The following ABCA6 variants were observed in gnomAD, a reference collection of about 807,000 sequenced individuals.
The protein encoded by ABCA6 is ATP-binding cassette sub-family A member 6.
ABCA6 carries 164 observed loss-of-function variants against 191.2 expected under a neutral mutation model. That is an observed-to-expected ratio of 0.86 (90% CI 0.76 to 0.98). ABCA6 has a LOEUF of 0.98. Ranked by LOEUF, ABCA6 falls within the 50% of genes least tolerant of loss-of-function variation. The pLI is 0.00. For missense variants in ABCA6, 1,958 were observed against 1,894.1 expected (o/e 1.03, Z -0.63); for synonymous variants, 636 against 647.7 (o/e 0.98, Z 0.27).
intron 25 of ABCA6, among the ~76,000 whole-genome samples, chr17:69,095,813 T>C (rs1232047587): frequency 6.6e-6 from 1 of 152,254 alleles, no homozygotes; most frequent in Non-Finnish European, 1.5e-5. Flanking sequence ...ACAAGCTCTT[T>C]ACTTTTATAC....
chr17:69,087,070 T>C (rs1229569906), intron 29 of ABCA6, among the ~76,000 whole-genome samples: 2 of 152,206 alleles, frequency 1.3e-5, no homozygotes, highest in Non-Finnish European at 2.9e-5. Flanking sequence ...ATTTAACTCA[T>C]GAGGTCTTGT....
rs748848295 is a variant in ABCA6 at position 69,112,206 on chromosome 17, C to T, written c.2109G>A (p.Arg703=). The T allele has an allele frequency of 5.0e-6, 8 of 1,612,380 alleles. No individual in the cohort carries two copies. Among genetic ancestry groups the T allele is most frequent in the Non-Finnish European group, 6.8e-6 (8 of 1,178,974 alleles). The change falls in exon 16 of 39, where the codon AGG becomes AGA. Residue 703 remains arginine (R), a synonymous_variant. Coordinates refer to ENST00000284425, the MANE Select transcript of ABCA6 (RefSeq NM_080284.3). ...ACCTTAGGTGATATCCAAGACCCCACCTTCTTTTCAAAAACATAGAAGAAC... is the reference window on the plus strand; with the variant it reads ...ACCTTAGGTGATATCCAAGACCCCATCTTCTTTTCAAAAACATAGAAGAAC... ...CAGSSMFLKR[R]WGLGYHLSLH...
intron 24 of ABCA6, 51 bp from the exon 25 acceptor site, chr17:69,096,404 G>A (rs2073046590): frequency 1.9e-6 from 2 of 1,060,010 alleles, no homozygotes; most frequent in African/African-American, 1.6e-5. Context: ...TATTACTGAG[G>A]GAAAAATTAG....
intron 13 of ABCA6, 23 bp downstream of exon 13, chr17:69,114,739 T>A: frequency 6.3e-7 from 1 of 1,584,426 alleles, no homozygotes; most frequent in Non-Finnish European, 8.6e-7. Context: ...GGCAGGTCAG[T>A]TAATCCAAGC....
In ABCA6 at chr17:69,129,868, A is replaced by G. The variant is rs373159413; in HGVS notation, c.792-117T>C. 94 of 711,200 alleles carry G rather than the reference A, an allele frequency of 1.3e-4. 1 individual carries two copies. Among genetic ancestry groups the G allele is most frequent in the East Asian group, 1.3e-3 (44 of 34,104 alleles). 44.1% of individuals were successfully genotyped at this position (711,200 alleles called of 1,614,324 possible). A position where few individuals can be genotyped will look rare whatever the true frequency, so the allele number is the denominator to read the frequency against. On this transcript the variant is annotated intron_variant, in intron 6 of 38. Transcript: ENST00000284425. The stretch of plus-strand genomic sequence containing the variant: ...TACCCTTGTACCTTCTAGATTAATA[A>G]CTATACTGTTAATCCTACAGCAGAA...
At chr17:69,129,469 CA>C (rs2144706801) in intron 7 of ABCA6, 140 bp downstream of exon 7, 2 of 642,230 alleles carry the variant, frequency 3.1e-6, no homozygotes, top group Non-Finnish European at 5.0e-6. Flanking sequence ...GAAACTATTT[CA>C]AGTACACACA....
Position 69,137,367 on chromosome 17 carries a change from A to G in ABCA6, c.230T>C (p.Val77Ala), listed in dbSNP as rs780406021. 87 of 1,613,590 alleles carry G rather than the reference A, an allele frequency of 5.4e-5. No homozygotes were observed. The highest frequency in any genetic ancestry group is 7.0e-5 in the Non-Finnish European group (83 of 1,179,778). The change falls in exon 3 of 39, where the codon GTT becomes GCT. Residue 77 changes from valine (V) to alanine (A), a missense_variant. Transcript: ENST00000284425. ...VDKFNSSSLMVVYTPISNLTQ... is the reference protein window; with the variant it reads ...VDKFNSSSLMAVYTPISNLTQ... The stretch of plus-strand genomic sequence containing the variant: ...TAAATTAGATATTGGTGTATACACA[A>G]CCATTAAAGAAGAGCTATTAAATTT...
Position 69,120,414 on chromosome 17 carries a change from A to G in ABCA6, c.1437-2458T>C, listed in dbSNP as rs181622611. The stretch of plus-strand genomic sequence containing the variant: ...GGGTAGTTAACACTTCTATTGACTA[A>G]ATAACAGTAGTTAATATCTCTATCC... On this transcript the variant is annotated intron_variant, in intron 10 of 38. Coordinates refer to ENST00000284425, the MANE Select transcript of ABCA6 (RefSeq NM_080284.3). 3.3e-5 allele frequency among the ~76,000 whole-genome samples: 5 copies of G among 152,172 alleles called. No individual in the cohort carries two copies. The East Asian group carries it at 9.7e-4, about 29-fold the overall frequency.
Position 69,134,667 on chromosome 17 carries a change from T to G in ABCA6, c.536A>C (p.Gln179Pro). 6.2e-7 allele frequency: 1 copy of G among 1,613,642 alleles called. No individual in the cohort carries two copies. Among genetic ancestry groups the G allele is most frequent in the African/African-American group, 1.3e-5 (1 of 75,024 alleles). ...KYWNRGFVAL[Q>P]TAINTAIIEI... is the part of the protein sequence containing the mutation. The stretch of plus-strand genomic sequence containing the variant: ...TATAATGGCAGTATTAATAGCTGTT[T>G]GTAAAGCCACAAATCCTCTATTCCA... The change falls in exon 5 of 39, where the codon CAA becomes CCA. Residue 179 changes from glutamine (Q) to proline (P), a missense_variant. Transcript: ENST00000284425.
Position 69,097,999 on chromosome 17 carries a change from GGCAACCCAGTCCA to G in ABCA6, c.3028_3040del (p.Trp1010ArgfsTer50), listed in dbSNP as rs771587989. The G allele has an allele frequency of 5.0e-6, 8 of 1,611,436 alleles. No homozygotes were observed. In the African/African-American group the frequency reaches 1.1e-4, roughly 22 times the overall value. Reference sequence around the variant, plus strand: ...CAAAAATAAGAAAAAGGAACCATCCGGCAACCCAGTCCAGAGTCCTATGTGGCTCTGAAAATAT... The same window carrying G: ...CAAAAATAAGAAAAAGGAACCATCCGGAGTCCTATGTGGCTCTGAAAATAT... On this transcript the variant is annotated frameshift_variant, in exon 23 of 39. Coordinates refer to ENST00000284425, the MANE Select transcript of ABCA6 (RefSeq NM_080284.3). LOFTEE classifies it high-confidence loss of function.
intron 5 of ABCA6, 21 bp from the exon 6 acceptor site, chr17:69,133,888 A>G: frequency 6.9e-7 from 1 of 1,446,446 alleles, no homozygotes; most frequent in Non-Finnish European, 9.4e-7. Flanking sequence ...GTTTAAACAA[A>G]CATAATTATT....
chr17:69,128,852 A>T (rs370624636), intron 7 of ABCA6, 48 bp from the exon 8 acceptor site: 2 of 1,440,780 alleles, frequency 1.4e-6, no homozygotes, highest in Non-Finnish European at 1.9e-6. Context: ...TATTTAGCTC[A>T]CTGAGAATCA....
intron 6 of ABCA6, among the ~76,000 whole-genome samples, chr17:69,133,097 G>A (rs1454958497): frequency 1.3e-5 from 2 of 152,192 alleles, no homozygotes; most frequent in Non-Finnish European, 2.9e-5. Flanking sequence ...CCTTTGTGTT[G>A]TATGTCCTAG....
rs781289258 is a variant in ABCA6 at position 69,137,413 on chromosome 17, G to A, written c.184C>T (p.Gln62Ter). ...RNVQFPGMAP[Q>*]NLGRVDKFNS... Reference sequence around the variant, plus strand: ...AATTTATCTACCCTTCCCAGATTCTGAGGAGCCATTCCAGGAAACTGGACA... The same window carrying A: ...AATTTATCTACCCTTCCCAGATTCTAAGGAGCCATTCCAGGAAACTGGACA... Residue 62 changes from glutamine to a stop codon, truncating the protein, a stop_gained, in exon 3 of 39, where the codon CAG becomes TAG. Coordinates refer to ENST00000284425, the MANE Select transcript of ABCA6 (RefSeq NM_080284.3). LOFTEE classifies it high-confidence loss of function. 4 of 1,613,710 alleles carry A rather than the reference G, an allele frequency of 2.5e-6. No individual in the cohort carries two copies.
intron 36 of ABCA6, 150 bp from the exon 37 acceptor site, chr17:69,081,295 T>C: frequency 1.9e-6 from 1 of 536,952 alleles, no homozygotes. Context: ...ACAGCATTGT[T>C]TTGAATTGCT....
intron 9 of ABCA6, among the ~76,000 whole-genome samples, chr17:69,124,439 T>C (rs181250544): frequency 1.3e-5 from 2 of 152,086 alleles, no homozygotes; most frequent in East Asian, 3.9e-4. Context: ...TCTGTAAATA[T>C]GAACAATATA....
chr17:69,086,436 G>A (rs2072790998), intron 30 of ABCA6, among the ~76,000 whole-genome samples, 182 bp downstream of exon 30: 1 of 149,502 alleles, frequency 6.7e-6, no homozygotes, highest in South Asian at 2.1e-4. Flanking sequence ...TCTTTGTCTA[G>A]TGGCTTCATA....
intron 2 of ABCA6, among the ~76,000 whole-genome samples, chr17:69,140,292 G>A (rs184140058): frequency 2.8e-4 from 43 of 151,968 alleles, no homozygotes; most frequent in Admixed American, 5.9e-4. Flanking sequence ...AAATTAAAAT[G>A]TCTCCATTTC....
chr17:69,093,100 C>G (rs1298088524), intron 25 of ABCA6, among the ~76,000 whole-genome samples: 1 of 152,134 alleles, frequency 6.6e-6, no homozygotes, highest in Admixed American at 6.5e-5. Context: ...GACATAAGGT[C>G]TGAGACTTCA....
Sources: allele counts gnomAD v4.1 joint callset (sites outside exome capture counted in the v4.1 genomes callset), GRCh38; gene constraint gnomAD v4.1.1; transcripts MANE v1.5; gene names NCBI Gene and HGNC (gene_info 2026-07-23, HGNC 2026-07-21).